CRYBA4: variants seen among roughly 807,000 people sequenced by gnomAD.
CRYBA4 encodes the protein beta-crystallin A4.
In CRYBA4, 30 loss-of-function variants were observed where a neutral mutation model predicts 31.7. The observed-to-expected ratio is 0.95, with a 90% CI of 0.71 to 1.28. The LOEUF (loss-of-function observed/expected upper bound fraction) is 1.28. Ranked by LOEUF, CRYBA4 falls within the 50% of genes most tolerant of loss-of-function variation. The pLI is 0.00. For missense variants in CRYBA4, 225 were observed against 260.7 expected, an observed-to-expected ratio of 0.86 and a Z score of 0.94; for synonymous variants, 102 against 102.3, an observed-to-expected ratio of 1.00 and a Z score of 0.02.
chr22:26,596,535 A>C, the CRYBA4 span: 1 of 152,278 alleles, frequency 6.6e-6, no homozygotes, highest in East Asian at 1.9e-4. Flanking sequence ...AAGTATAAAA[A>C]TTCTGAGTGA....
chr22:26,616,291 G>A, the CRYBA4 span: 18 of 1,613,778 alleles, frequency 1.1e-5, no homozygotes, highest in African/African-American at 5.3e-5. Flanking sequence ...CACTGTGGCC[G>A]AGGCCGAGGC....
At chr22:26,592,705 G>A in the CRYBA4 span, among the ~76,000 whole-genome samples, 4 of 152,212 alleles carry the variant, frequency 2.6e-5, no homozygotes, top group Non-Finnish European at 4.4e-5. Context: ...GACAGGGAAG[G>A]TGTTCAACAG....
chr22:26,616,238 G>C, the CRYBA4 span: 7 of 1,614,104 alleles, frequency 4.3e-6, no homozygotes, highest in Non-Finnish European at 5.9e-6. Flanking sequence ...GTTCCTGCAG[G>C]TGGGGCCCCC....
At chr22:26,590,954 T>G in the CRYBA4 span, among the ~76,000 whole-genome samples, 3 of 152,238 alleles carry the variant, frequency 2.0e-5, no homozygotes, top group Admixed American at 2.0e-4. Flanking sequence ...ATGCATCGTA[T>G]GCTTGTGCAT....
chr22:26,610,991 G>A, the CRYBA4 span, among the ~76,000 whole-genome samples: 56 of 152,268 alleles, frequency 3.7e-4, no homozygotes, highest in African/African-American at 1.3e-3. Context: ...TTGTCCTGGG[G>A]CTGCCCCTCC....
At chr22:26,604,930 C>G in the CRYBA4 span, among the ~76,000 whole-genome samples, 10 of 152,308 alleles carry the variant, frequency 6.6e-5, no homozygotes, top group East Asian at 1.9e-3. Context: ...CTACAAGACC[C>G]TGGTCTCCAC....
chr22:26,616,213 C>T, the CRYBA4 span: 3 of 1,614,032 alleles, frequency 1.9e-6, no homozygotes, highest in African/African-American at 4.0e-5. Flanking sequence ...CAGGGTAGTG[C>T]CGGGACTAGG....
At chr22:26,627,391 T>TC (rs1929751254) in intron 4 of CRYBA4, among the ~76,000 whole-genome samples, 1 of 83,152 alleles carries the variant, frequency 1.2e-5, no homozygotes, top group Non-Finnish European at 2.0e-5. Context: ...TTTCTTTCTT[T>TC]CTTTCTTTCT....
chr22:26,628,703 C>T (rs1929826941), intron 5 of CRYBA4, among the ~76,000 whole-genome samples: 1 of 152,166 alleles, frequency 6.6e-6, no homozygotes, highest in Non-Finnish European at 1.5e-5. Context: ...CCCCCCACAA[C>T]CCCCAACCTG....
the CRYBA4 span, among the ~76,000 whole-genome samples, chr22:26,590,599 C>T: frequency 6.6e-6 from 1 of 152,038 alleles, no homozygotes; most frequent in Non-Finnish European, 1.5e-5. Flanking sequence ...GGGATTTTGC[C>T]CTGACATCCC....
the CRYBA4 span, among the ~76,000 whole-genome samples, chr22:26,594,601 C>G: frequency 2.0e-5 from 3 of 152,154 alleles, no homozygotes; most frequent in African/African-American, 4.8e-5. Flanking sequence ...CTTAGGGACA[C>G]TCCTGCTTGA....
At chr22:26,607,777 G>T in the CRYBA4 span, 984 of 1,453,432 alleles carry the variant, frequency 6.8e-4, 4 homozygotes, top group African/African-American at 0.011. Context: ...CTCGGAGGCT[G>T]CCACGCCTCC....
chr22:26,613,109 CT>C, the CRYBA4 span, among the ~76,000 whole-genome samples: 1 of 152,236 alleles, frequency 6.6e-6, no homozygotes, highest in Non-Finnish European at 1.5e-5. Context: ...TGCCACAGAG[CT>C]GATGCTCAGG....
At chr22:26,605,273 C>T in the CRYBA4 span, among the ~76,000 whole-genome samples, 1 of 152,194 alleles carries the variant, frequency 6.6e-6, no homozygotes, top group Non-Finnish European at 1.5e-5. Context: ...TTATGATTAG[C>T]TTTTTGATAG....
Position 26,625,571 on chromosome 22 carries a change from C to T in CRYBA4, c.249C>T (p.Asn83=), listed in dbSNP as rs1398146859. The stretch of plus-strand genomic sequence containing the variant: ...CAAGCTGGGATGCCTGGGGCGGCAA[C>T]ACGGCCTACCCCGCCGAGAGGCTCA... The part of the protein sequence containing the change: ...EYPSWDAWGG[N]TAYPAERLTS... The change falls in exon 4 of 6, where the codon AAC becomes AAT. Residue 83 remains asparagine (N), a synonymous_variant. Coordinates refer to ENST00000354760, the MANE Select transcript of CRYBA4 (RefSeq NM_001886.3). The T allele has an allele frequency of 6.2e-7, 1 of 1,613,908 alleles. No homozygotes were observed. The highest frequency in any genetic ancestry group is 1.1e-5 in the South Asian group (1 of 91,058).
chr22:26,617,062 C>A (rs1929379989), upstream of CRYBA4, among the ~76,000 whole-genome samples: 1 of 152,200 alleles, frequency 6.6e-6, no homozygotes, highest in South Asian at 2.1e-4. Context: ...CCGTCTGCTT[C>A]CTCTGAGGGG....
the CRYBA4 span, among the ~76,000 whole-genome samples, chr22:26,598,974 A>G: frequency 3.9e-5 from 6 of 152,152 alleles, no homozygotes; most frequent in Admixed American, 2.0e-4. Flanking sequence ...TGGGAAAATC[A>G]CTTCCCCTCT....
chr22:26,616,080 G>T, the CRYBA4 span: 1 of 1,308,562 alleles, frequency 7.6e-7, no homozygotes, highest in Non-Finnish European at 1.1e-6. Flanking sequence ...AGAAGAAGGA[G>T]GAGGAGGGAA....
the CRYBA4 span, among the ~76,000 whole-genome samples, chr22:26,602,939 CGAT>C: frequency 6.6e-6 from 1 of 151,412 alleles, no homozygotes; most frequent in South Asian, 2.1e-4. Context: ...CTGGCTAACA[CGAT>C]GAAACCCCGT....
Sources: allele counts gnomAD v4.1 joint callset (sites outside exome capture counted in the v4.1 genomes callset), GRCh38; gene constraint gnomAD v4.1.1; transcripts MANE v1.5; gene names NCBI Gene and HGNC (gene_info 2026-07-23, HGNC 2026-07-21).